Variants in CIMIP5 observed in about 807,000 individuals in gnomAD.
CIMIP5 encodes the protein uncharacterized protein C2orf50.
chr2:11,134,112 C>A, the CIMIP5 span, among the ~76,000 whole-genome samples: 2 of 151,968 alleles, frequency 1.3e-5, no homozygotes, highest in Non-Finnish European at 2.9e-5. Context: ...GTGTGACCAG[C>A]GGTAAGAAGG....
At chr2:11,138,593 C>A in the CIMIP5 span, among the ~76,000 whole-genome samples, 4 of 152,028 alleles carry the variant, frequency 2.6e-5, no homozygotes, top group African/African-American at 9.7e-5. Flanking sequence ...GAATAGTAAT[C>A]CCCAGTTTTG....
the CIMIP5 span, among the ~76,000 whole-genome samples, chr2:11,143,368 C>T: frequency 2.8e-4 from 43 of 151,810 alleles, no homozygotes; most frequent in African/African-American, 9.4e-4. Flanking sequence ...AAAGCTAATG[C>T]GTGGCATTAG....
the CIMIP5 span, among the ~76,000 whole-genome samples, chr2:11,148,772 G>A: frequency 4.6e-4 from 53 of 115,320 alleles, no homozygotes; most frequent in East Asian, 1.2e-3. Flanking sequence ...TCTCGCTCTC[G>A]TCCCCCAGGC....
the CIMIP5 span, among the ~76,000 whole-genome samples, chr2:11,135,150 G>A: frequency 6.6e-6 from 1 of 152,152 alleles, no homozygotes; most frequent in South Asian, 2.1e-4. Flanking sequence ...CTCCCACTAG[G>A]CCCTACCTTC....
chr2:11,152,066 G>A, the CIMIP5 span, among the ~76,000 whole-genome samples: 40 of 152,224 alleles, frequency 2.6e-4, no homozygotes, highest in Non-Finnish European at 4.6e-4. Context: ...GTTCCCGAGC[G>A]GGGATTGCAG....
the CIMIP5 span, chr2:11,144,929 C>G: frequency 6.6e-6 from 1 of 152,268 alleles, no homozygotes; most frequent in Non-Finnish European, 1.5e-5. Context: ...ATCCTCCCAC[C>G]TCAGCCTCCC....
chr2:11,153,753 G>A, the CIMIP5 span, among the ~76,000 whole-genome samples: 3 of 151,936 alleles, frequency 2.0e-5, no homozygotes, highest in Admixed American at 6.6e-5. Context: ...TCGAAACCCC[G>A]TCTGTACTAA....
the CIMIP5 span, among the ~76,000 whole-genome samples, chr2:11,142,008 G>A: frequency 6.6e-6 from 1 of 152,048 alleles, no homozygotes; most frequent in Admixed American, 6.5e-5. Context: ...GCTCACGCCT[G>A]TAATCTCAAC....
the CIMIP5 span, among the ~76,000 whole-genome samples, chr2:11,142,713 ATTTTTTTT>A: frequency 9.6e-6 from 1 of 104,144 alleles, no homozygotes; most frequent in Admixed American, 1.2e-4. Flanking sequence ...CACTTGTCAG[ATTTTTTTT>A]TTTTTTTTTT....
chr2:11,144,037 C>T, the CIMIP5 span: 1 of 1,606,974 alleles, frequency 6.2e-7, no homozygotes, highest in Non-Finnish European at 8.5e-7. Context: ...GGGACAGACT[C>T]TCATCCGCAT....
chr2:11,151,430 C>T, the CIMIP5 span, among the ~76,000 whole-genome samples: 1 of 152,238 alleles, frequency 6.6e-6, no homozygotes, highest in Non-Finnish European at 1.5e-5. Context: ...GAATCAGTTT[C>T]TGCTCAATTC....
At chr2:11,142,313 A>G in the CIMIP5 span, among the ~76,000 whole-genome samples, 12 of 150,874 alleles carry the variant, frequency 8.0e-5, no homozygotes, top group Admixed American at 5.9e-4. Flanking sequence ...AACCTGGAAG[A>G]TGAGCAATAT....
chr2:11,135,270 C>G, the CIMIP5 span, among the ~76,000 whole-genome samples: 1 of 152,132 alleles, frequency 6.6e-6, no homozygotes, highest in African/African-American at 2.4e-5. Flanking sequence ...TTTTGAGGAA[C>G]CTCCATTGTC....
chr2:11,145,296 A>AT, the CIMIP5 span: 1 of 152,040 alleles, frequency 6.6e-6, no homozygotes, highest in African/African-American at 2.4e-5. Flanking sequence ...TGCCTGGCTA[A>AT]TTTTTAAAAT....
the CIMIP5 span, among the ~76,000 whole-genome samples, chr2:11,136,928 G>GC: frequency 1.3e-3 from 199 of 152,262 alleles, no homozygotes; most frequent in African/African-American, 4.6e-3. Flanking sequence ...AGAGAAGAAA[G>GC]CCAGGGGCAC....
the CIMIP5 span, chr2:11,144,125 T>C: frequency 4.4e-4 from 685 of 1,553,298 alleles, 5 homozygotes; most frequent in African/African-American, 8.6e-3. Flanking sequence ...CAAGGAGGGC[T>C]GGGCTGGCCT....
At chr2:11,133,596 G>T in the CIMIP5 span, 1 of 1,581,752 alleles carries the variant, frequency 6.3e-7, no homozygotes, top group East Asian at 2.3e-5. Context: ...GCGCTGGTGA[G>T]TACCTGCCCT....
chr2:11,147,742 A>G, the CIMIP5 span, among the ~76,000 whole-genome samples: 2 of 152,168 alleles, frequency 1.3e-5, no homozygotes, highest in African/African-American at 4.8e-5. Context: ...CATCACGCCA[A>G]ATCCCTCACA....
chr2:11,135,738 T>G, the CIMIP5 span, among the ~76,000 whole-genome samples: 1 of 151,472 alleles, frequency 6.6e-6, no homozygotes, highest in Admixed American at 6.6e-5. Flanking sequence ...CTCAGCTCAC[T>G]GCAAGTTCTG....
Sources: allele counts gnomAD v4.1 joint callset (sites outside exome capture counted in the v4.1 genomes callset), GRCh38; gene constraint gnomAD v4.1.1; transcripts MANE v1.5; gene names NCBI Gene and HGNC (gene_info 2026-07-23, HGNC 2026-07-21).